ANPEP: variants seen among roughly 807,000 people sequenced by gnomAD.
The protein encoded by ANPEP is alanyl aminopeptidase, membrane, also known as aminopeptidase N.
ANPEP carries 70 observed loss-of-function variants against 114.6 expected under a neutral mutation model. The ratio of observed to expected loss-of-function variants is 0.61; its 90% confidence interval spans 0.50 to 0.75. The LOEUF is 0.75. Ranked by LOEUF, ANPEP falls within the 30% of genes least tolerant of loss-of-function variation. ANPEP has a pLI of 0.00. For missense variants in ANPEP, 1,184 were observed against 1,259.5 expected (o/e 0.94, Z 0.91); for synonymous variants, 548 against 522.3 (o/e 1.05, Z -0.67).
chr15:89,803,138 G>T lies in ANPEP; in HGVS notation c.1569+101C>A. 2 of 1,343,048 alleles carry T rather than the reference G, an allele frequency of 1.5e-6. No individual in the cohort carries two copies. The highest frequency in any genetic ancestry group is 1.7e-5 in the Admixed American group (1 of 59,158). 83.2% of individuals were successfully genotyped at this position (1,343,048 alleles called of 1,614,324 possible). ...ATCCACCCTGCAGGGCTGGTCAGCC[G>T]CGGAGCTGGACCCATTCTCTTACGC... On this transcript the variant is annotated intron_variant, in intron 10 of 20. Transcript: ENST00000300060. This position sits in a 1 kb window ranked among gnomAD's most constrained non-coding sequence, Gnocchi z 4.2.
At position 89,803,303 on chromosome 15, in the gene ANPEP, G is replaced by T; in HGVS notation, c.1505C>A (p.Ser502Tyr). 1 of 1,614,122 alleles carries T rather than the reference G, an allele frequency of 6.2e-7. No individual in the cohort carries two copies. The highest frequency in any genetic ancestry group is 8.5e-7 in the Non-Finnish European group (1 of 1,179,966). Residue 502 changes from serine (S) to tyrosine (Y), a missense_variant and splice_region_variant, in exon 10 of 21, where the codon TCC (serine) becomes TAC (tyrosine). Ser to Tyr is a moderately radical substitution (Grantham distance 144, BLOSUM62 -2). Coordinates refer to ENST00000300060, the MANE Select transcript of ANPEP (RefSeq NM_001150.3). This position sits in a 1 kb window ranked among gnomAD's most constrained non-coding sequence, Gnocchi z 4.2. Reference sequence around the variant, plus strand: ...CTGGTAGGCAAAGGTGTGGAGGTAGGACTGTGGAAAGACGGGGCACAGTGA... The same window carrying T: ...CTGGTAGGCAAAGGTGTGGAGGTAGTACTGTGGAAAGACGGGGCACAGTGA... ...SEDVFKQGLA[S>Y]YLHTFAYQNT...
At chr15:89,804,470 T>A (rs1257015038) in intron 5 of ANPEP, 21 bp downstream of exon 5, 2 of 1,614,066 alleles carry the variant, frequency 1.2e-6, no homozygotes, top group East Asian at 4.5e-5. Flanking sequence ...ACTGCCTCCC[T>A]CCTCAAGGAC....
At chr15:89,790,434 C>T (rs1284811812) in intron 20 of ANPEP, 26 bp downstream of exon 20, 1 of 1,606,894 alleles carries the variant, frequency 6.2e-7, no homozygotes, top group Non-Finnish European at 8.5e-7. Context: ...GTAGGCAGAG[C>T]CCAGGTCTGG....
chr15:89,795,861 T>C (rs572647361), intron 15 of ANPEP, among the ~76,000 whole-genome samples: 30 of 152,260 alleles, frequency 2.0e-4, no homozygotes, highest in Admixed American at 1.7e-3. Flanking sequence ...CCTCCAAGCA[T>C]GGGAGCTGTG....
intron 1 of ANPEP, among the ~76,000 whole-genome samples, chr15:89,814,497 C>T (rs1385512090): frequency 6.6e-6 from 1 of 152,176 alleles, no homozygotes; most frequent in Non-Finnish European, 1.5e-5. Flanking sequence ...CTCGCCCACC[C>T]TGGGGCCCCC....
chr15:89,807,763 T>C (rs1894744846), intron 1 of ANPEP, among the ~76,000 whole-genome samples: 1 of 152,010 alleles, frequency 6.6e-6, no homozygotes, highest in African/African-American at 2.4e-5. Flanking sequence ...CTTTCTATCC[T>C]TGGTAGAAAT....
Position 89,792,333 on chromosome 15 carries a change from G to GT in ANPEP, c.2361-7dup, listed in dbSNP as rs1313756707. The GT allele has an allele frequency of 6.2e-7, 1 of 1,614,090 alleles. No individual in the cohort carries two copies. Among genetic ancestry groups the GT allele is most frequent in the South Asian group, 1.1e-5 (1 of 91,070 alleles). ...ACCGCAGGTTGGGGTGGATCCTGGT[G>GT]TGGGGTAGGGAGGTCAGGTGTGGAA... On this transcript the variant is annotated splice_region_variant and splice_polypyrimidine_tract_variant and intron_variant, in intron 17 of 20. Transcript: ENST00000300060.
At chr15:89,790,396 T>G (rs8192301) in intron 20 of ANPEP, 64 bp downstream of exon 20, 2 of 1,487,214 alleles carry the variant, frequency 1.3e-6, no homozygotes, top group Non-Finnish European at 1.9e-6. Context: ...GGGAGAAGAA[T>G]GGAGTGCCCC....
At chr15:89,804,054 A>T in intron 6 of ANPEP, 52 bp from the exon 7 acceptor site, 1 of 1,598,020 alleles carries the variant, frequency 6.3e-7, no homozygotes, top group Non-Finnish European at 8.6e-7. Context: ...GGGCACTGAG[A>T]ATCCCCAGAA....
intron 12 of ANPEP, among the ~76,000 whole-genome samples, chr15:89,800,556 CTTTTT>C (rs759889538): frequency 1.6e-5 from 2 of 124,374 alleles, no homozygotes; most frequent in Non-Finnish European, 1.7e-5. Flanking sequence ...GGATTCTCTC[CTTTTT>C]TTTTTTTTTT....
At chr15:89,790,235 T>C (rs900417789) in intron 20 of ANPEP, among the ~76,000 whole-genome samples, 12 of 152,184 alleles carry the variant, frequency 7.9e-5, no homozygotes, top group Non-Finnish European at 1.5e-4. Context: ...GGAGGTTCAT[T>C]ATACCACTCT....
intron 20 of ANPEP, among the ~76,000 whole-genome samples, chr15:89,786,356 A>G (rs76480770): frequency 6.6e-6 from 1 of 151,558 alleles, no homozygotes; most frequent in Non-Finnish European, 1.5e-5. Flanking sequence ...ATATTGCTCT[A>G]GAGATTCAAT....
intron 16 of ANPEP, 71 bp downstream of exon 16, chr15:89,792,964 C>T: frequency 7.6e-7 from 1 of 1,324,270 alleles, no homozygotes; most frequent in Non-Finnish European, 1.1e-6. Context: ...CGGCAGAGAA[C>T]ACTGCCAGGA....
intron 1 of ANPEP, among the ~76,000 whole-genome samples, chr15:89,813,073 C>G (rs530994272): frequency 1.6e-4 from 25 of 152,182 alleles, no homozygotes; most frequent in African/African-American, 5.8e-4. Flanking sequence ...GACAGGCACC[C>G]GGGGTGAAGC....
intron 1 of ANPEP, among the ~76,000 whole-genome samples, chr15:89,814,405 C>T (rs1038302748): frequency 6.6e-6 from 1 of 151,916 alleles, no homozygotes; most frequent in Admixed American, 6.5e-5. Flanking sequence ...ACAGAGTGGC[C>T]GCGGCCGAGC....
At position 89,792,288 on chromosome 15, in the gene ANPEP, A is replaced by T; in HGVS notation, c.2400T>A (p.Ala800=). 6.2e-7 allele frequency: 1 copy of T among 1,614,170 alleles called. No homozygotes were observed. Among genetic ancestry groups the T allele is most frequent in the Non-Finnish European group, 8.5e-7 (1 of 1,180,024 alleles). The change falls in exon 18 of 21, where the codon GCT becomes GCA. Residue 800 remains alanine, a synonymous_variant. Transcript: ENST00000300060. ...ACTCCTCCTCCCCGCCCTGGGCGAT[A>T]GCGTTGCAGTAGACGGTGGACCGCA... ...PNLRSTVYCN[A]IAQGGEEEWD... is the part of the protein sequence containing the mutation.
chr15:89,793,106 G>A lies in ANPEP; in HGVS notation c.2178C>T (p.Val726=). 6.2e-7 allele frequency: 1 copy of A among 1,613,948 alleles called. No individual in the cohort carries two copies. The highest frequency in any genetic ancestry group is 8.5e-7 in the Non-Finnish European group (1 of 1,179,812). ...GPMKNYLKKQ[V]TPLFIHFRNN... Reference sequence around the variant, plus strand: ...TTCTGAAGTGAATGAAGAGGGGTGTGACCTGCTTCTTCAGGTAGTTCTGGG... The same window carrying A: ...TTCTGAAGTGAATGAAGAGGGGTGTAACCTGCTTCTTCAGGTAGTTCTGGG... Residue 726 remains valine, a synonymous_variant, in exon 16 of 21, where the codon GTC becomes GTT. Coordinates refer to ENST00000300060, the MANE Select transcript of ANPEP (RefSeq NM_001150.3).
intron 1 of ANPEP, among the ~76,000 whole-genome samples, chr15:89,810,808 C>T (rs1434095131): frequency 2.6e-5 from 4 of 152,346 alleles, no homozygotes; most frequent in South Asian, 2.1e-4. Context: ...TCATCTCAAA[C>T]GCTCTCCCCT....
chr15:89,812,642 A>G (rs1036349344), intron 1 of ANPEP, among the ~76,000 whole-genome samples: 1 of 152,012 alleles, frequency 6.6e-6, no homozygotes, highest in South Asian at 2.1e-4. Flanking sequence ...CTGTCTGCCA[A>G]ATGGGGGGTG....
Sources: allele counts gnomAD v4.1 joint callset (sites outside exome capture counted in the v4.1 genomes callset), GRCh38; gene constraint gnomAD v4.1.1; non-coding constraint Gnocchi (gnomAD v3.1); transcripts MANE v1.5; gene names NCBI Gene and HGNC (gene_info 2026-07-23, HGNC 2026-07-21).